Variants in SSBP2 observed in about 807,000 individuals in gnomAD.
The protein encoded by SSBP2 is single stranded DNA binding protein 2, also known as single-stranded DNA-binding protein 2.
A neutral mutation model predicts 61.8 loss-of-function variants in SSBP2; 17 were observed. The observed-to-expected ratio is 0.28, with a 90% CI of 0.19 to 0.41. The LOEUF is 0.41. Ranked by LOEUF, SSBP2 falls within the 10% of genes least tolerant of loss-of-function variation. SSBP2 has a pLI of 1.00. For missense variants in SSBP2, 310 were observed against 458.7 expected (o/e 0.68, Z 2.96); for synonymous variants, 139 against 141.3 (o/e 0.98, Z 0.12).
chr5:81,488,063 A>ATATATATAT (rs1425988492), intron 6 of SSBP2, among the ~76,000 whole-genome samples: 1 of 93,766 alleles, frequency 1.1e-5, no homozygotes, highest in African/African-American at 3.2e-5. Context: ...ATATATAAAT[A>ATATATATAT]AAATATCATA....
intron 4 of SSBP2, among the ~76,000 whole-genome samples, chr5:81,548,515 A>T (rs1260132335): frequency 2.0e-5 from 3 of 152,210 alleles, no homozygotes; most frequent in African/African-American, 7.2e-5. Context: ...AATGCATATT[A>T]CTTCTGCCCA....
At chr5:81,595,168 A>T (rs9688051) in intron 4 of SSBP2, among the ~76,000 whole-genome samples, 1,573 of 152,278 alleles carry the variant, frequency 0.01, 39 homozygotes, top group African/African-American at 0.035. Flanking sequence ...TATCACCACC[A>T]ATCCCACAGA....
Position 81,622,013 on chromosome 5 carries a change from G to A in SSBP2, c.198-6456C>T, listed in dbSNP as rs1178294518. On this transcript the variant is annotated intron_variant, in intron 3 of 16. Coordinates refer to ENST00000320672, the MANE Select transcript of SSBP2 (RefSeq NM_012446.5). ...GGAGATATACCTAAGGCTAGATGAC[G>A]AGTTAGTGGGTGCAGCGCAGCAGCA... 1.0e-4 allele frequency among the ~76,000 whole-genome samples: 15 copies of A among 146,602 alleles called. No individual in the cohort carries two copies. In the South Asian group the frequency reaches 2.9e-3, roughly 28 times the overall value.
chr5:81,489,135 G>T lies in SSBP2; in HGVS notation c.432+115C>A, dbSNP rs112182615. On this transcript the variant is annotated intron_variant, in intron 6 of 16. Transcript: ENST00000320672. ...CAACCCTTGAAGCAGACTAGAAATA[G>T]CATTAAATGGGACAGAAAAAGGAGA... 147 of 923,554 alleles carry T rather than the reference G, an allele frequency of 1.6e-4. No individual in the cohort carries two copies. The African/African-American group carries it at 2.0e-3, about 13-fold the overall frequency. The allele number at this position is 923,554 out of a possible 1,614,324, so 57.2% of individuals were successfully genotyped here.
intron 15 of SSBP2, among the ~76,000 whole-genome samples, chr5:81,432,973 G>A (rs1199993999): frequency 2.2e-5 from 3 of 133,552 alleles, no homozygotes; most frequent in African/African-American, 9.0e-5. Flanking sequence ...GCCCCGTCCG[G>A]GAGGGAGGTG....
intron 1 of SSBP2, among the ~76,000 whole-genome samples, chr5:81,733,841 A>G (rs1756425210): frequency 6.6e-6 from 1 of 152,176 alleles, no homozygotes; most frequent in African/African-American, 2.4e-5. Flanking sequence ...TAGGGCTCTG[A>G]ATACTAAATA....
chr5:81,672,889 T>A (rs964768326), intron 1 of SSBP2, among the ~76,000 whole-genome samples: 2 of 151,406 alleles, frequency 1.3e-5, no homozygotes, highest in South Asian at 2.1e-4. Flanking sequence ...TTTTTTTTTT[T>A]AAACAGTCTC....
chr5:81,626,578 A>G (rs1747170330), intron 3 of SSBP2, among the ~76,000 whole-genome samples: 1 of 152,204 alleles, frequency 6.6e-6, no homozygotes, highest in African/African-American at 2.4e-5. Flanking sequence ...AGCATCAGCT[A>G]TTATAAGAGT....
At chr5:81,625,469 GAAT>G (rs1435064612) in intron 3 of SSBP2, among the ~76,000 whole-genome samples, 1 of 152,030 alleles carries the variant, frequency 6.6e-6, no homozygotes, top group East Asian at 1.9e-4. Flanking sequence ...TCATCATCAT[GAAT>G]AATACTTTAG....
intron 5 of SSBP2, among the ~76,000 whole-genome samples, chr5:81,502,775 C>T (rs1028439876): frequency 6.6e-6 from 1 of 152,148 alleles, no homozygotes; most frequent in Non-Finnish European, 1.5e-5. Context: ...AACACATATC[C>T]AAACTATCAT....
intron 1 of SSBP2, among the ~76,000 whole-genome samples, chr5:81,735,315 T>G (rs1268961140): frequency 2.6e-5 from 4 of 152,346 alleles, no homozygotes; most frequent in African/African-American, 7.2e-5. Flanking sequence ...ATAGGACTTT[T>G]TTATTACTTA....
At chr5:81,575,969 G>C (rs1301296295) in intron 4 of SSBP2, among the ~76,000 whole-genome samples, 2 of 152,152 alleles carry the variant, frequency 1.3e-5, no homozygotes, top group Non-Finnish European at 2.9e-5. Context: ...TCAATTCAAT[G>C]CACTTACCAC....
At chr5:81,508,632 A>T (rs1210471973) in intron 5 of SSBP2, among the ~76,000 whole-genome samples, 1 of 152,190 alleles carries the variant, frequency 6.6e-6, no homozygotes, top group Non-Finnish European at 1.5e-5. Flanking sequence ...TTTAGACTTT[A>T]ATTCATTGCT....
At chr5:81,570,840 C>T (rs1264070823) in intron 4 of SSBP2, among the ~76,000 whole-genome samples, 1 of 152,194 alleles carries the variant, frequency 6.6e-6, no homozygotes, top group East Asian at 1.9e-4. Context: ...ATACAACCTT[C>T]CAATCTGTAT....
At chr5:81,519,990 T>C (rs1006411027) in intron 4 of SSBP2, among the ~76,000 whole-genome samples, 1 of 136,958 alleles carries the variant, frequency 7.3e-6, no homozygotes. Context: ...TTCCCCCCTC[T>C]TTTTTTTTTT....
intron 4 of SSBP2, among the ~76,000 whole-genome samples, chr5:81,547,036 CAAAAAAAAAA>C (rs61254614): frequency 7.4e-5 from 4 of 53,880 alleles, no homozygotes; most frequent in South Asian, 7.6e-4. Context: ...AAATCTTGGC[CAAAAAAAAAA>C]AAAAAAAAAA....
chr5:81,682,141 A>C, intron 1 of SSBP2, among the ~76,000 whole-genome samples: 1 of 152,220 alleles, frequency 6.6e-6, no homozygotes, highest in East Asian at 1.9e-4. Context: ...TATTTAAGGA[A>C]GAAATTAGAG....
chr5:81,708,736 T>C (rs1425882633), intron 1 of SSBP2, among the ~76,000 whole-genome samples: 1 of 152,008 alleles, frequency 6.6e-6, no homozygotes, highest in Non-Finnish European at 1.5e-5. Context: ...GTGTCCCAAT[T>C]GAAGCTGTCT....
intron 15 of SSBP2, among the ~76,000 whole-genome samples, chr5:81,435,622 G>T (rs1762625568): frequency 6.6e-6 from 1 of 152,220 alleles, no homozygotes; most frequent in Non-Finnish European, 1.5e-5. Flanking sequence ...TTAGAAGATG[G>T]CATTTAATTA....
Sources: gnomAD v4.1 joint callset for allele counts (sites outside exome capture counted in the v4.1 genomes callset) on GRCh38, gnomAD v4.1.1 for gene constraint, MANE v1.5 for transcripts, NCBI Gene and HGNC (gene_info 2026-07-23, HGNC 2026-07-21) for gene names.